The following TRIM6 variants were observed in gnomAD, a reference collection of about 807,000 sequenced individuals.
The protein encoded by TRIM6 is tripartite motif containing 6, also known as tripartite motif-containing protein 6.
TRIM6 carries 43 observed loss-of-function variants against 51.2 expected under a neutral mutation model. The ratio of observed to expected loss-of-function variants is 0.84; its 90% CI spans 0.66 to 1.08. TRIM6 has a LOEUF of 1.08. Ranked by LOEUF, TRIM6 falls within the 50% of genes least tolerant of loss-of-function variation. The pLI, the probability that TRIM6 is intolerant of heterozygous loss-of-function variation, is 0.00. For missense variants in TRIM6, 669 were observed against 619.0 expected (o/e 1.08, Z -0.86); for synonymous variants, 215 against 232.4 (o/e 0.93, Z 0.68).
chr11:5,604,839 A>C (rs909361254), intron 3 of TRIM6: 2 of 526,548 alleles, frequency 3.8e-6, no homozygotes, highest in Non-Finnish European at 6.5e-6. Context: ...GGAGACAATC[A>C]CATAGCAGAG....
At chr11:5,598,384 TTC>T (rs1396180885) in intron 1 of TRIM6, among the ~76,000 whole-genome samples, 2 of 152,216 alleles carry the variant, frequency 1.3e-5, no homozygotes, top group African/African-American at 4.8e-5. Context: ...TCAAGAATTT[TTC>T]TCTGTCTAAA....
At chr11:5,606,454 T>C (rs1340433478) in intron 4 of TRIM6, among the ~76,000 whole-genome samples, 5 of 152,182 alleles carry the variant, frequency 3.3e-5, no homozygotes, top group Admixed American at 3.3e-4. Flanking sequence ...GTGTAAGATA[T>C]TCTTTATATT....
Position 5,605,497 on chromosome 11 carries a change from C to G in TRIM6, c.764C>G (p.Thr255Ser). The G allele has an allele frequency of 6.2e-7, 1 of 1,614,158 alleles. No individual in the cohort carries two copies. Residue 255 changes from threonine to serine, a missense_variant, in exon 4 of 8, where the codon ACC becomes AGC. Thr to Ser is a moderately conservative substitution (Grantham distance 58). Coordinates refer to ENST00000380097, the MANE Select transcript of TRIM6 (RefSeq NM_001003818.3). ...EEAENDLVHQ[T>S]QSLRELISDL... ...GCTGAGAATGATCTGGTCCACCAGACCCAGTCGCTGCGAGAGCTCATCTCG... is the reference window on the plus strand; with the variant it reads ...GCTGAGAATGATCTGGTCCACCAGAGCCAGTCGCTGCGAGAGCTCATCTCG...
intron 3 of TRIM6, chr11:5,605,073 T>A (rs994779813): frequency 9.5e-6 from 5 of 526,882 alleles, no homozygotes; most frequent in Non-Finnish European, 1.4e-5. Context: ...GGAGGCTTCC[T>A]GGAATCTAAA....
Position 5,605,573 on chromosome 11 carries a change from G to C in TRIM6, c.834+6G>C, listed in dbSNP as rs535862444. The C allele has an allele frequency of 2.5e-6, 4 of 1,609,806 alleles. No homozygotes were observed. The African/African-American group carries it at 5.4e-5, about 22-fold the overall frequency. ...CAACAATGGAGCTGCTGCAGGTAAG[G>C]CTTGTGAAGGAGCCCAGATCTGAGA... On this transcript the variant is annotated splice_donor_region_variant and intron_variant, in intron 4 of 7. Coordinates refer to ENST00000380097, the MANE Select transcript of TRIM6 (RefSeq NM_001003818.3).
chr11:5,607,798 A>G (rs1043835881), intron 4 of TRIM6, among the ~76,000 whole-genome samples: 2 of 152,206 alleles, frequency 1.3e-5, no homozygotes, highest in Admixed American at 6.5e-5. Flanking sequence ...AACATCTTGC[A>G]TTTGAGGTAC....
intron 6 of TRIM6, 81 bp from the exon 7 acceptor site, chr11:5,610,454 C>T: frequency 6.2e-7 from 1 of 1,610,092 alleles, no homozygotes; most frequent in Non-Finnish European, 8.5e-7. Context: ...TCACCATTCC[C>T]CTCAATGTAG....
At chr11:5,605,270 C>T (rs11038307) in intron 3 of TRIM6, 67 bp from the exon 4 acceptor site, 133,223 of 1,606,926 alleles carry the variant, frequency 0.083, 5,920 homozygotes, top group South Asian at 0.11. Flanking sequence ...CCAACTTCCC[C>T]GCTTTTAATA....
chr11:5,608,847 A>ATTTTTTTTT (rs370630648), intron 5 of TRIM6, among the ~76,000 whole-genome samples: 2,971 of 101,690 alleles, frequency 0.029, 188 homozygotes, highest in South Asian at 0.044. Context: ...TTGCCCATAA[A>ATTTTTTTTT]TTTTTTTTTT....
Position 5,603,301 on chromosome 11 carries a change from A to G in TRIM6, c.73A>G (p.Arg25Gly). The stretch of plus-strand genomic sequence containing the variant: ...CAGGGTTGGGCAGGCAGGAGCCAGG[A>G]GAGTAGCTACAATGACTTCACCAGT... ...EIRVGQAGAR[R>G]VATMTSPVLV... Residue 25 changes from arginine (R) to glycine (G), a missense_variant, in exon 2 of 8, where the codon AGA (arginine) becomes GGA (glycine). By Grantham distance (125) the Arg-to-Gly change is moderately radical. Coordinates refer to ENST00000380097, the MANE Select transcript of TRIM6 (RefSeq NM_001003818.3). The G allele has an allele frequency of 6.2e-7, 1 of 1,614,096 alleles. No homozygotes were observed. The highest frequency in any genetic ancestry group is 1.3e-5 in the African/African-American group (1 of 75,012).
At chr11:5,610,362 G>A (rs766734144) in intron 6 of TRIM6, 117 bp downstream of exon 6, 10 of 1,562,576 alleles carry the variant, frequency 6.4e-6, no homozygotes, top group African/African-American at 1.3e-5. Flanking sequence ...GGTCCCAGAG[G>A]GAGGGACATA....
chr11:5,609,118 C>G (rs1848409072), intron 5 of TRIM6, among the ~76,000 whole-genome samples: 1 of 151,920 alleles, frequency 6.6e-6, no homozygotes. Context: ...ATAATTTAGC[C>G]CGGGAATCAA....
rs900115281 is a variant in TRIM6, at chr11:5,596,809, A to T, written c.-89A>T. 6.2e-7 allele frequency: 1 copy of T among 1,601,336 alleles called. No individual in the cohort carries two copies. ...GAGTGAGCGCGCTCTGTTCCTTAAG[A>T]TTAGTTTAAGGTGCCTTGGATTGCT... On this transcript the variant is annotated 5_prime_UTR_variant, in exon 1 of 8. Transcript: ENST00000380097.
Position 5,596,698 on chromosome 11 carries a change from G to A in TRIM6, c.-200G>A. On this transcript the variant is annotated 5_prime_UTR_variant, in exon 1 of 8. Coordinates refer to ENST00000380097, the MANE Select transcript of TRIM6 (RefSeq NM_001003818.3). ...GACCTGTGGGTCCGTCCGTTCAACG[G>A]CCAAAGGCTGGCGGAGGAGGGATCC... 2 of 776,968 alleles carry A rather than the reference G, an allele frequency of 2.6e-6. No individual in the cohort carries two copies. Among genetic ancestry groups the A allele is most frequent in the Non-Finnish European group, 4.1e-6 (2 of 487,198 alleles). The allele number at this position is 776,968 out of a possible 1,614,324, so 48.1% of individuals were successfully genotyped here. A position where few individuals can be genotyped will look rare whatever the true frequency, so the allele number is the denominator to read the frequency against.
intron 7 of TRIM6, 61 bp from the exon 8 acceptor site, chr11:5,610,716 C>G: frequency 4.4e-6 from 7 of 1,584,610 alleles, no homozygotes; most frequent in Non-Finnish European, 6.0e-6. Flanking sequence ...GTTTCCTCTT[C>G]TCAGCATAAC....
At position 5,603,438 on chromosome 11, in the gene TRIM6, T is replaced by C; in HGVS notation, c.210T>C (p.Asn70=). The C allele has an allele frequency of 6.2e-7, 1 of 1,613,966 alleles. No individual in the cohort carries two copies. The highest frequency in any genetic ancestry group is 8.5e-7 in the Non-Finnish European group (1 of 1,180,000). Residue 70 remains asparagine, a synonymous_variant, in exon 2 of 8, where the codon AAT becomes AAC. Transcript: ENST00000380097. Reference sequence around the variant, plus strand: ...TCTGCCAAGCCTGCATCACACCAAATGGCAGGGAATCAGTGATTGGTCAAG... The same window carrying C: ...TCTGCCAAGCCTGCATCACACCAAACGGCAGGGAATCAGTGATTGGTCAAG... ...HSFCQACITP[N]GRESVIGQEG...
chr11:5,610,353 G>T, intron 6 of TRIM6, 108 bp downstream of exon 6: 7 of 1,573,068 alleles, frequency 4.4e-6, no homozygotes, highest in Non-Finnish European at 6.1e-6. Flanking sequence ...AAAGAGGGAG[G>T]TCCCAGAGGG....
At chr11:5,610,727 G>C (rs370433618) in intron 7 of TRIM6, 50 bp from the exon 8 acceptor site, 141 of 1,593,742 alleles carry the variant, frequency 8.8e-5, no homozygotes, top group Non-Finnish European at 1.2e-4. Flanking sequence ...TCAGCATAAC[G>C]AGACCCATGT....
chr11:5,604,609 G>A lies in TRIM6; in HGVS notation c.583G>A (p.Glu195Lys). Reference sequence around the variant, plus strand: ...TGAGAAGCTAACAGCTTTTATCAGAGAGAAGAAAACATCCTGGAAGGCAAG... The same window carrying A: ...TGAGAAGCTAACAGCTTTTATCAGAAAGAAGAAAACATCCTGGAAGGCAAG... ...EAEKLTAFIR[E>K]KKTSWKNQME... Residue 195 changes from glutamate to lysine, a missense_variant, in exon 3 of 8, where the codon GAG (glutamate) becomes AAG (lysine). Coordinates refer to ENST00000380097, the MANE Select transcript of TRIM6 (RefSeq NM_001003818.3). 1.2e-6 allele frequency: 2 copies of A among 1,612,704 alleles called. No homozygotes were observed. Among genetic ancestry groups the A allele is most frequent in the East Asian group, 2.2e-5 (1 of 44,828 alleles).
Sources: allele counts gnomAD v4.1 joint callset (sites outside exome capture counted in the v4.1 genomes callset), GRCh38; gene constraint gnomAD v4.1.1; transcripts MANE v1.5; gene names NCBI Gene and HGNC (gene_info 2026-07-23, HGNC 2026-07-21).